SP140L: variants seen among roughly 807,000 people sequenced by gnomAD.
SP140L encodes nuclear body protein SP140-like protein.
Under a neutral mutation model 84.3 loss-of-function variants are expected in SP140L, and 64 were observed. That is an observed-to-expected ratio of 0.76 (90% CI 0.62 to 0.94). The LOEUF is 0.94. Ranked by LOEUF, SP140L falls within the 40% of genes least tolerant of loss-of-function variation. The pLI is 0.00. For synonymous variants in SP140L, 242 were observed against 236.9 expected (o/e 1.02, Z -0.20); for missense variants, 628 against 692.5 (o/e 0.91, Z 1.05).
At chr2:230,334,984 G>A (rs569491720) in intron 2 of SP140L, among the ~76,000 whole-genome samples, 189 of 151,948 alleles carry the variant, frequency 1.2e-3, no homozygotes, top group African/African-American at 4.2e-3. Context: ...AAGTTGTATC[G>A]AAATTTCTCT....
chr2:230,341,490 C>T (rs1380350082), intron 2 of SP140L, among the ~76,000 whole-genome samples: 1 of 148,864 alleles, frequency 6.7e-6, no homozygotes, highest in Non-Finnish European at 1.5e-5. Flanking sequence ...CTTCTCTCAG[C>T]TCGTCAAAGT....
At chr2:230,399,724 T>C (rs1445557743) in intron 14 of SP140L, 1 of 158,534 alleles carries the variant, frequency 6.3e-6, no homozygotes, top group African/African-American at 2.4e-5. Context: ...GGTTATTCCA[T>C]CATATGTAAT....
chr2:230,388,385 C>T (rs963496104), intron 9 of SP140L, among the ~76,000 whole-genome samples, 174 bp from the exon 10 acceptor site: 2 of 151,976 alleles, frequency 1.3e-5, no homozygotes, highest in African/African-American at 4.8e-5. Context: ...ATAAAGTGAA[C>T]CTAACATTAG....
At position 230,361,658 on chromosome 2, in the gene SP140L, A is replaced by C. The variant is rs2060720957; in HGVS notation, c.484A>C (p.Arg162=). Residue 162 remains arginine, a synonymous_variant, in exon 5 of 19, where the codon AGG becomes CGG. Coordinates refer to ENST00000415673, the MANE Select transcript of SP140L (RefSeq NM_138402.6). ...TTTCCAAGAAAGTGATCGAAAAGAA[A>C]GGGAAGAGAGGCCTGACATCAAACT... The part of the protein sequence containing the change: ...LSFQESDRKE[R]EERPDIKLSL... The C allele has an allele frequency of 6.4e-7, 1 of 1,563,328 alleles. No individual in the cohort carries two copies. The highest frequency in any genetic ancestry group is 1.9e-5 in the Admixed American group (1 of 52,548).
intron 5 of SP140L, among the ~76,000 whole-genome samples, chr2:230,363,682 T>A (rs963257850): frequency 2.0e-5 from 3 of 152,076 alleles, no homozygotes; most frequent in African/African-American, 7.2e-5. Flanking sequence ...TTTGATGTAG[T>A]CTCACTTCTT....
intron 5 of SP140L, among the ~76,000 whole-genome samples, chr2:230,367,052 T>C (rs2060902524): frequency 6.6e-6 from 1 of 152,020 alleles, no homozygotes; most frequent in African/African-American, 2.4e-5. Flanking sequence ...TTTATTCCTT[T>C]CTTTCTCTCT....
chr2:230,391,091 C>T (rs1022245681), intron 11 of SP140L, among the ~76,000 whole-genome samples: 1 of 152,182 alleles, frequency 6.6e-6, no homozygotes, highest in Non-Finnish European at 1.5e-5. Context: ...TCATATATTT[C>T]ATTGTATAGA....
rs1333289718 is a variant in SP140L at position 230,357,928 on chromosome 2, C to T, written c.231C>T (p.Gly77=). 1 of 1,614,008 alleles carries T rather than the reference C, an allele frequency of 6.2e-7. No homozygotes were observed. Among genetic ancestry groups the T allele is most frequent in the East Asian group, 2.2e-5 (1 of 44,880 alleles). Reference sequence around the variant, plus strand: ...AAAAGACATTTCCATTCCTTGAGGGCCTCCGCGATCGGGAACTCATCACAA... The same window carrying T: ...AAAAGACATTTCCATTCCTTGAGGGTCTCCGCGATCGGGAACTCATCACAA... ...AIKKTFPFLE[G]LRDRELITNK... Residue 77 remains glycine, a synonymous_variant, in exon 3 of 19, where the codon GGC becomes GGT. Coordinates refer to ENST00000415673, the MANE Select transcript of SP140L (RefSeq NM_138402.6).
chr2:230,346,866 C>T (rs1420193254), intron 2 of SP140L, among the ~76,000 whole-genome samples: 3 of 152,176 alleles, frequency 2.0e-5, no homozygotes, highest in African/African-American at 4.8e-5. Context: ...TGTCAGTTAG[C>T]TCATAGACCT....
In SP140L at chr2:230,366,191, C is replaced by A. The variant is rs548201874; in HGVS notation, c.523+4494C>A. 7.6e-4 allele frequency among the ~76,000 whole-genome samples: 116 copies of A among 152,226 alleles called. 3 individuals are homozygous for A. The highest frequency in any genetic ancestry group is 2.6e-3 in the African/African-American group (109 of 41,566). On this transcript the variant is annotated intron_variant, in intron 5 of 18. Transcript: ENST00000415673. Reference sequence around the variant, plus strand: ...TTTGTGGATTTTCTGTCTTAATGATCTATCCAGTGCTGAAAGTAGGGTATG... The same window carrying A: ...TTTGTGGATTTTCTGTCTTAATGATATATCCAGTGCTGAAAGTAGGGTATG...
At chr2:230,391,144 T>G (rs747165890) in intron 11 of SP140L, among the ~76,000 whole-genome samples, 1 of 152,264 alleles carries the variant, frequency 6.6e-6, no homozygotes, top group Non-Finnish European at 1.5e-5. Flanking sequence ...TGGGTTATTT[T>G]CACTCTTTGG....
intron 7 of SP140L, among the ~76,000 whole-genome samples, chr2:230,381,595 C>A (rs1575515277): frequency 1.3e-5 from 2 of 152,238 alleles, no homozygotes; most frequent in South Asian, 2.1e-4. Context: ...GTGGCTCACT[C>A]ATGTTATCTC....
At chr2:230,330,156 C>A (rs1275918913) in intron 2 of SP140L, among the ~76,000 whole-genome samples, 1 of 152,152 alleles carries the variant, frequency 6.6e-6, no homozygotes, top group East Asian at 1.9e-4. Context: ...CTGGGAGAGT[C>A]ATGGTTTTTT....
At chr2:230,394,270 G>A (rs1230860380) in intron 13 of SP140L, among the ~76,000 whole-genome samples, 4 of 152,202 alleles carry the variant, frequency 2.6e-5, no homozygotes, top group South Asian at 4.1e-4. Context: ...TCAGGACAAG[G>A]TGATGGTTTT....
intron 7 of SP140L, chr2:230,372,209 T>C (rs1242049661): frequency 1.3e-5 from 2 of 154,462 alleles, no homozygotes; most frequent in African/African-American, 4.8e-5. Context: ...AACCACTAAA[T>C]TTGTGGTAAT....
In SP140L at chr2:230,328,763, G is replaced by T; in HGVS notation, c.39G>T (p.Leu13=). The stretch of plus-strand genomic sequence containing the variant: ...TGCCAAATTGTCTTTTTAGGGGGCT[G>T]AACGGAGGTGTTTCACAAGTAGCAA... ...GGGSDLSTRG[L]NGGVSQVANE... is the part of the protein sequence containing the mutation. The change falls in exon 2 of 19, where the codon CTG becomes CTT. Residue 13 remains leucine, a synonymous_variant. Transcript: ENST00000415673. The T allele has an allele frequency of 2.5e-6, 4 of 1,612,932 alleles. No homozygotes were observed. The highest frequency in any genetic ancestry group is 3.4e-6 in the Non-Finnish European group (4 of 1,179,376).
At chr2:230,357,995 C>T in intron 3 of SP140L, 28 bp downstream of exon 3, 1 of 1,608,892 alleles carries the variant, frequency 6.2e-7, no homozygotes, top group Middle Eastern at 1.7e-4. Context: ...CACAACCTGG[C>T]AGATATGCTT....
chr2:230,370,985 C>T lies in SP140L; in HGVS notation c.583+18C>T. ...CAAAATGGGTAAGGCTGCCTGAGGG[C>T]TGTGGGATGGGGTGGCTCAGTGGGC... On this transcript the variant is annotated intron_variant, in intron 6 of 18. Coordinates refer to ENST00000415673, the MANE Select transcript of SP140L (RefSeq NM_138402.6). 1 of 1,612,344 alleles carries T rather than the reference C, an allele frequency of 6.2e-7. No individual in the cohort carries two copies. The highest frequency in any genetic ancestry group is 8.5e-7 in the Non-Finnish European group (1 of 1,178,730).
intron 16 of SP140L, 114 bp from the exon 17 acceptor site, chr2:230,401,252 C>A (rs1168374566): frequency 6.4e-7 from 1 of 1,563,446 alleles, no homozygotes; most frequent in East Asian, 2.2e-5. Context: ...TTTCCAAGAG[C>A]CACACATGTT....
Sources: gnomAD v4.1 joint callset for allele counts (sites outside exome capture counted in the v4.1 genomes callset) on GRCh38, gnomAD v4.1.1 for gene constraint, MANE v1.5 for transcripts, NCBI Gene and HGNC (gene_info 2026-07-23, HGNC 2026-07-21) for gene names.